The following ALK variants were observed in gnomAD, a reference collection of about 807,000 sequenced individuals.
ALK encodes the protein ALK tyrosine kinase receptor.
ALK carries 74 observed loss-of-function variants against 163.1 expected under a neutral mutation model. The observed-to-expected ratio is 0.45, with a 90% CI of 0.38 to 0.55. The LOEUF is 0.55. ALK is among the 20% of genes least tolerant of loss of function. The probability of loss-of-function intolerance (pLI) is 0.00; values close to 1 mark genes in which losing one functional copy is unlikely to be tolerated. For missense variants in ALK, 2,063 were observed against 2,105.3 expected, an observed-to-expected ratio of 0.98 and a Z score of 0.39; for synonymous variants, 960 against 843.2, an observed-to-expected ratio of 1.14 and a Z score of -2.40.
chr2:29,200,861 A>AT (rs1669160260), intron 26 of ALK, among the ~76,000 whole-genome samples: 1 of 148,832 alleles, frequency 6.7e-6, no homozygotes, highest in Non-Finnish European at 1.5e-5. Flanking sequence ...ATACGTATAT[A>AT]TATGTGTATA....
chr2:29,445,157 C>A (rs10210838), intron 4 of ALK, among the ~76,000 whole-genome samples: 127,389 of 152,156 alleles, frequency 0.84, 54,269 homozygotes, highest in Non-Finnish European at 0.93. Context: ...TGCACTTGAA[C>A]CCTTTCTATA....
chr2:29,358,379 A>G (rs942664845), intron 5 of ALK, among the ~76,000 whole-genome samples: 2 of 152,266 alleles, frequency 1.3e-5, no homozygotes, highest in Non-Finnish European at 2.9e-5. Context: ...GTAAAGATGG[A>G]GAAAACATCA....
intron 9 of ALK, among the ~76,000 whole-genome samples, chr2:29,281,700 C>G (rs1222100903): frequency 1.3e-5 from 2 of 152,150 alleles, no homozygotes; most frequent in Non-Finnish European, 2.9e-5. Context: ...TACAGAGACG[C>G]CTTTTGAAAA....
chr2:29,359,176 C>A (rs1036662462), intron 5 of ALK, among the ~76,000 whole-genome samples: 2 of 152,078 alleles, frequency 1.3e-5, no homozygotes, highest in African/African-American at 4.8e-5. Context: ...TGTAAAGGAG[C>A]CTTTAGAAAA....
At chr2:29,630,380 T>G (rs184575427) in intron 3 of ALK, among the ~76,000 whole-genome samples, 11 of 152,296 alleles carry the variant, frequency 7.2e-5, no homozygotes, top group African/African-American at 2.6e-4. Flanking sequence ...ATTTATTATT[T>G]TTTTTCTTAC....
intron 11 of ALK, 52 bp from the exon 12 acceptor site, chr2:29,251,319 C>A (rs2148197869): frequency 6.4e-7 from 1 of 1,574,758 alleles, no homozygotes; most frequent in Non-Finnish European, 8.6e-7. Context: ...CCTCCCTCCT[C>A]CAGGGGCCTC....
intron 8 of ALK, among the ~76,000 whole-genome samples, chr2:29,303,565 A>G (rs1040241326): frequency 3.6e-4 from 55 of 152,252 alleles, no homozygotes; most frequent in African/African-American, 1.3e-3. Context: ...TCATTTTACC[A>G]TAAAGACACC....
chr2:29,728,055 G>C (rs1006560990), intron 1 of ALK, among the ~76,000 whole-genome samples: 1 of 152,176 alleles, frequency 6.6e-6, no homozygotes, highest in African/African-American at 2.4e-5. Flanking sequence ...AAGGAGGAGG[G>C]AGAAGAAATA....
chr2:29,338,467 A>C (rs907449688), intron 5 of ALK, among the ~76,000 whole-genome samples: 2 of 152,136 alleles, frequency 1.3e-5, no homozygotes, highest in African/African-American at 4.8e-5. Flanking sequence ...AGTTCCTTAC[A>C]GCCTTTGTGT....
At chr2:29,473,535 T>A (rs1671421971) in intron 4 of ALK, among the ~76,000 whole-genome samples, 1 of 151,952 alleles carries the variant, frequency 6.6e-6, no homozygotes, top group South Asian at 2.1e-4. Flanking sequence ...AGCCCTAAAA[T>A]CATTAAGAAA....
At chr2:29,477,331 T>G (rs980597749) in intron 4 of ALK, among the ~76,000 whole-genome samples, 1 of 152,322 alleles carries the variant, frequency 6.6e-6, no homozygotes, top group Middle Eastern at 3.4e-3. Flanking sequence ...ACACATTTAC[T>G]TAAGCTTTCT....
At chr2:29,854,264 T>A (rs952654886) in intron 1 of ALK, among the ~76,000 whole-genome samples, 10 of 152,182 alleles carry the variant, frequency 6.6e-5, no homozygotes, top group African/African-American at 2.4e-4. Flanking sequence ...TGGATGTTTG[T>A]CCCCTCCAAA....
chr2:29,325,400 T>C (rs1477359970), intron 6 of ALK, among the ~76,000 whole-genome samples: 1 of 152,220 alleles, frequency 6.6e-6, no homozygotes, highest in Non-Finnish European at 1.5e-5. Context: ...GCACTTACTT[T>C]GTGCCAGGAG....
chr2:29,543,251 A>G (rs1303795048), intron 3 of ALK, among the ~76,000 whole-genome samples: 20 of 152,178 alleles, frequency 1.3e-4, no homozygotes, highest in Admixed American at 6.5e-5. Flanking sequence ...CTGTCTTGCT[A>G]TGCATGATCT....
At chr2:29,384,739 C>A (rs1490563355) in intron 4 of ALK, among the ~76,000 whole-genome samples, 1 of 151,968 alleles carries the variant, frequency 6.6e-6, no homozygotes, top group African/African-American at 2.4e-5. Context: ...TTGATATTTT[C>A]TTTCCTTAAA....
At chr2:29,691,615 A>G (rs1211430026) in intron 3 of ALK, among the ~76,000 whole-genome samples, 2 of 152,186 alleles carry the variant, frequency 1.3e-5, no homozygotes, top group Non-Finnish European at 1.5e-5. Flanking sequence ...GCTTCATAAA[A>G]ACTAAAGGCA....
intron 4 of ALK, among the ~76,000 whole-genome samples, chr2:29,500,013 C>T (rs950990389): frequency 2.6e-5 from 4 of 152,044 alleles, no homozygotes; most frequent in African/African-American, 9.7e-5. Context: ...TCTCGCTGTT[C>T]CTTAAGGTTG....
At chr2:29,354,330 A>G (rs1668190128) in intron 5 of ALK, among the ~76,000 whole-genome samples, 1 of 152,162 alleles carries the variant, frequency 6.6e-6, no homozygotes, top group Non-Finnish European at 1.5e-5. Context: ...CTGGCCAACA[A>G]CCTAAGATGC....
intron 1 of ALK, among the ~76,000 whole-genome samples, chr2:29,832,405 T>A (rs887708040): frequency 7.9e-5 from 12 of 152,048 alleles, no homozygotes; most frequent in African/African-American, 2.7e-4. Flanking sequence ...AAGGGGTAGA[T>A]CTTTCAAAGG....
Sources: gnomAD v4.1 joint callset for allele counts (sites outside exome capture counted in the v4.1 genomes callset) on GRCh38, gnomAD v4.1.1 for gene constraint, MANE v1.5 for transcripts, NCBI Gene and HGNC (gene_info 2026-07-23, HGNC 2026-07-21) for gene names.